Variants in ASTN2 observed in about 807,000 individuals in gnomAD.
ASTN2 encodes astrotactin-2.
In ASTN2, 54 loss-of-function variants were observed where a neutral mutation model predicts 139.8. The ratio of observed to expected loss-of-function variants is 0.39; its 90% CI spans 0.31 to 0.48. The LOEUF (loss-of-function observed/expected upper bound fraction) is 0.48. ASTN2 is among the 20% of genes least tolerant of loss of function. The pLI, the probability that ASTN2 is intolerant of heterozygous loss-of-function variation, is 0.95. For missense variants in ASTN2, 1,565 were observed against 1,725.1 expected (o/e 0.91, Z 1.64); for synonymous variants, 756 against 719.5 (o/e 1.05, Z -0.81).
Position 117,414,400 on chromosome 9 carries a change from C to T in ASTN2, c.442+97G>A, listed in dbSNP as rs961143758. On this transcript the variant is annotated intron_variant, in intron 1 of 22. Coordinates refer to ENST00000313400, the MANE Select transcript of ASTN2 (RefSeq NM_001365068.1). This position sits in a 1 kb window ranked among gnomAD's most constrained non-coding sequence, Gnocchi z 4.2. ...CCTCTGCCAACCCCACTCGGGGCAG[C>T]CCCGGGCAGGGATCCCCAGGGCGCC... 4 of 1,546,442 alleles carry T rather than the reference C, an allele frequency of 2.6e-6. No individual in the cohort carries two copies. Among genetic ancestry groups the T allele is most frequent in the Admixed American group, 1.8e-5 (1 of 54,654 alleles).
chr9:117,015,220 T>C (rs1206757246), intron 6 of ASTN2, among the ~76,000 whole-genome samples: 1 of 152,100 alleles, frequency 6.6e-6, no homozygotes, highest in Non-Finnish European at 1.5e-5. Context: ...GATTTTGACA[T>C]GTTGCCCAAG....
intron 13 of ASTN2, among the ~76,000 whole-genome samples, chr9:116,786,769 A>G (rs555239117): frequency 8.3e-4 from 126 of 152,244 alleles, no homozygotes; most frequent in African/African-American, 2.9e-3. Context: ...CCCCACTGAA[A>G]TCTCATCTTG....
intron 22 of ASTN2, among the ~76,000 whole-genome samples, chr9:116,437,961 G>A (rs1847711773): frequency 6.6e-6 from 1 of 152,154 alleles, no homozygotes; most frequent in African/African-American, 2.4e-5. Context: ...AGGGCTCAAG[G>A]TAAGAGCTCA....
At chr9:116,470,230 AT>A (rs1848771064) in intron 20 of ASTN2, among the ~76,000 whole-genome samples, 1 of 152,020 alleles carries the variant, frequency 6.6e-6, no homozygotes, top group African/African-American at 2.4e-5. Context: ...AATAAAAAAA[AT>A]AAAAAGATTT....
rs149118696 is a variant in ASTN2, at chr9:117,214,530, G to A, written c.843C>T (p.Gly281=). The part of the protein sequence containing the change: ...SRLQTHNSVI[G]VPIRETPILD... ...GGATGGGAGTCTCCCGGATGGGCACGCCAATGACGGAATTGTGGGTTTGCA... is the reference window on the plus strand; with the variant it reads ...GGATGGGAGTCTCCCGGATGGGCACACCAATGACGGAATTGTGGGTTTGCA... Residue 281 remains glycine (G), a synonymous_variant, in exon 3 of 23, where the codon GGC becomes GGT. Transcript: ENST00000313400. 2.0e-4 allele frequency: 328 copies of A among 1,613,892 alleles called. No individual in the cohort carries two copies. The African/African-American group carries it at 4.2e-3, about 21-fold the overall frequency.
At chr9:116,565,427 A>ATATATATATATATATATTTATTTATT (rs1554714243) in intron 19 of ASTN2, among the ~76,000 whole-genome samples, 1 of 74,022 alleles carries the variant, frequency 1.4e-5, no homozygotes, top group African/African-American at 5.6e-5. Flanking sequence ...ATATATATAT[A>ATATATATATATATATATTTATTTATT]TATTTATTTA....
At chr9:116,532,361 T>C (rs1394607336) in intron 19 of ASTN2, among the ~76,000 whole-genome samples, 1 of 152,228 alleles carries the variant, frequency 6.6e-6, no homozygotes, top group East Asian at 1.9e-4. Context: ...AGCTCTTTGG[T>C]TTAATTAGAT....
intron 2 of ASTN2, among the ~76,000 whole-genome samples, chr9:117,271,439 T>C (rs1834060967): frequency 6.6e-6 from 1 of 152,154 alleles, no homozygotes; most frequent in Admixed American, 6.5e-5. Flanking sequence ...AACCATATCA[T>C]TCCGCCCCTG....
At chr9:117,031,300 G>GT (rs1165315588) in intron 6 of ASTN2, among the ~76,000 whole-genome samples, 1 of 152,036 alleles carries the variant, frequency 6.6e-6, no homozygotes, top group Non-Finnish European at 1.5e-5. Flanking sequence ...CCCTTACTTC[G>GT]TTTTTTACAG....
intron 19 of ASTN2, among the ~76,000 whole-genome samples, chr9:116,605,229 G>A (rs1171422426): frequency 6.6e-6 from 1 of 152,130 alleles, no homozygotes; most frequent in African/African-American, 2.4e-5. Flanking sequence ...AGGCCCAGTA[G>A]GCTCCCAGAT....
chr9:117,244,596 A>G (rs1588127418), intron 2 of ASTN2, among the ~76,000 whole-genome samples: 1 of 70,394 alleles, frequency 1.4e-5, no homozygotes, highest in African/African-American at 7.5e-5. Flanking sequence ...GGAGGGAGGG[A>G]GGGAGGGAGG....
At chr9:117,278,214 T>C (rs1168807828) in intron 2 of ASTN2, among the ~76,000 whole-genome samples, 1 of 152,200 alleles carries the variant, frequency 6.6e-6, no homozygotes, top group African/African-American at 2.4e-5. Context: ...CCAGTCCTAT[T>C]GAGGAGAACG....
At chr9:117,271,033 T>C (rs1834051105) in intron 2 of ASTN2, among the ~76,000 whole-genome samples, 1 of 152,188 alleles carries the variant, frequency 6.6e-6, no homozygotes, top group Non-Finnish European at 1.5e-5. Context: ...TGAGAAAATG[T>C]TATTTTAGCA....
intron 10 of ASTN2, among the ~76,000 whole-genome samples, chr9:116,894,470 T>C (rs1186145511): frequency 6.6e-6 from 1 of 152,168 alleles, no homozygotes; most frequent in African/African-American, 2.4e-5. Flanking sequence ...AGATAAAATA[T>C]TACCATTGTT....
chr9:117,134,277 TATATATATATATATATATACACACAC>T (rs1320509773), intron 4 of ASTN2, among the ~76,000 whole-genome samples: 854 of 69,228 alleles, frequency 0.012, 10 homozygotes, highest in African/African-American at 0.039. Flanking sequence ...TATATATATA[TATATATATATATATATATACACACAC>T]ACACACACAC....
chr9:117,366,269 T>A (rs917186280), intron 1 of ASTN2, among the ~76,000 whole-genome samples: 1 of 152,118 alleles, frequency 6.6e-6, no homozygotes, highest in African/African-American at 2.4e-5. Context: ...AAGCTGACAA[T>A]GTTAATGATA....
intron 1 of ASTN2, among the ~76,000 whole-genome samples, chr9:117,296,153 C>G (rs915670787): frequency 3.3e-5 from 5 of 151,702 alleles, no homozygotes; most frequent in Non-Finnish European, 7.4e-5. Flanking sequence ...TGGCATACAC[C>G]TGTAGTCCCA....
chr9:117,346,010 C>CAAAA lies in ASTN2; in HGVS notation c.443-54501_443-54498dup, dbSNP rs35773511. On this transcript the variant is annotated intron_variant, in intron 1 of 22. Coordinates refer to ENST00000313400, the MANE Select transcript of ASTN2 (RefSeq NM_001365068.1). ...CATTGCCACTTAGTGAACTAAGAGGCAAAAAAAAAAAAAAAAGGAAAAGGA... is the reference window on the plus strand; with the variant it reads ...CATTGCCACTTAGTGAACTAAGAGGCAAAAAAAAAAAAAAAAAAAAGGAAAAGGA... Among the ~76,000 whole-genome samples, 160 of 92,346 alleles carry CAAAA rather than the reference C, an allele frequency of 1.7e-3. 1 individual carries two copies. Among genetic ancestry groups the CAAAA allele is most frequent in the African/African-American group, 5.9e-3 (155 of 26,278 alleles). The allele number at this position is 92,346 out of a possible 152,430, so 60.6% of individuals were successfully genotyped here. A position where few individuals can be genotyped will look rare whatever the true frequency, so the allele number is the denominator to read the frequency against.
At chr9:116,704,454 G>T (rs1490725930) in intron 16 of ASTN2, among the ~76,000 whole-genome samples, 1 of 152,034 alleles carries the variant, frequency 6.6e-6, no homozygotes, top group Non-Finnish European at 1.5e-5. Flanking sequence ...AGTTTTCCTT[G>T]GTAAAAGAAA....
Sources: gnomAD v4.1 joint callset for allele counts (sites outside exome capture counted in the v4.1 genomes callset) on GRCh38, gnomAD v4.1.1 for gene constraint, Gnocchi (gnomAD v3.1) non-coding constraint, MANE v1.5 for transcripts, NCBI Gene and HGNC (gene_info 2026-07-23, HGNC 2026-07-21) for gene names.